Variants in ZNF30 observed in about 807,000 individuals in gnomAD.
The protein encoded by ZNF30 is zinc finger protein 30 (KOX 28).
A neutral mutation model predicts 13.2 loss-of-function variants in ZNF30; 15 were observed. That is an observed-to-expected ratio of 1.13 (90% CI 0.76 to 1.75). The LOEUF (loss-of-function observed/expected upper bound fraction) is 1.75. Ranked by LOEUF, ZNF30 falls within the 40% of genes most tolerant of loss-of-function variation. The pLI, the probability that ZNF30 is intolerant of heterozygous loss-of-function variation, is 0.00. For synonymous variants in ZNF30, 223 were observed against 256.6 expected (o/e 0.87, Z 1.25); for missense variants, 726 against 757.0 (o/e 0.96, Z 0.48).
intron 4 of ZNF30, among the ~76,000 whole-genome samples, chr19:34,940,865 C>G (rs1198104604): frequency 1.3e-5 from 2 of 152,034 alleles, no homozygotes; most frequent in South Asian, 2.1e-4. Context: ...ACCACATGAA[C>G]AGATCCCATC....
rs187664642 is a variant in ZNF30, at chr19:34,939,936, T to C, written c.257-3287T>C. 2.5e-3 allele frequency among the ~76,000 whole-genome samples: 385 copies of C among 152,338 alleles called. 1 individual carries two copies. Among genetic ancestry groups the C allele is most frequent in the Non-Finnish European group, 3.7e-3 (252 of 68,016 alleles). On this transcript the variant is annotated intron_variant, in intron 4 of 4. Coordinates refer to ENST00000601142, the MANE Select transcript of ZNF30 (RefSeq NM_194325.3). ...AATAAGATTACTGTCTCGTAGTAGA[T>C]TGTAGTTTTATAAAAAGGTGTAGTA...
intron 4 of ZNF30, 100 bp from the exon 5 acceptor site, chr19:34,943,123 C>A: frequency 1.3e-6 from 1 of 784,478 alleles, no homozygotes; most frequent in Non-Finnish European, 1.9e-6. Context: ...TATTACTGAG[C>A]TATTTATTTC....
At chr19:34,927,246 C>T in intron 1 of ZNF30, 30 bp downstream of exon 1, 1 of 372,284 alleles carries the variant, frequency 2.7e-6, no homozygotes, top group Non-Finnish European at 4.8e-6. Context: ...GGCGAGGATC[C>T]CGGGCCGGCG....
At chr19:34,926,621 G>A (rs543623703), upstream of ZNF30, 12 of 201,998 alleles carry the variant, frequency 5.9e-5, no homozygotes, top group Non-Finnish European at 1.1e-4. Flanking sequence ...CAAACAGTAC[G>A]GAAAGATAAT....
intron 4 of ZNF30, among the ~76,000 whole-genome samples, chr19:34,937,868 G>A (rs1055370871): frequency 2.0e-5 from 3 of 151,956 alleles, no homozygotes; most frequent in South Asian, 2.1e-4. Flanking sequence ...GTGCAATCTC[G>A]GCTCACTGCA....
At position 34,945,015 on chromosome 19, in the gene ZNF30, G is replaced by C; in HGVS notation, c.*177G>C. 1.6e-6 allele frequency: 1 copy of C among 633,748 alleles called. No individual in the cohort carries two copies. The allele number at this position is 633,748 out of a possible 1,614,324, so 39.3% of individuals were successfully genotyped here. A position where few individuals can be genotyped will look rare whatever the true frequency, so the allele number is the denominator to read the frequency against. ...ATATTCCTTTGTCATTTATAGGTTT[G>C]TAATACCAATATTTATACTGGTGGA... On this transcript the variant is annotated 3_prime_UTR_variant, in exon 5 of 5. Coordinates refer to ENST00000601142, the MANE Select transcript of ZNF30 (RefSeq NM_194325.3).
In ZNF30 at chr19:34,929,909, C is replaced by T; in HGVS notation, c.-39C>T. ...CTTTTGAACTTCTCAGATAGAGGAA[C>T]CCCAGTGAAGACTGATCAGTTCTTA... On this transcript the variant is annotated 5_prime_UTR_variant, in exon 2 of 5. Transcript: ENST00000601142. 6.3e-7 allele frequency: 1 copy of T among 1,589,398 alleles called. No homozygotes were observed. Among genetic ancestry groups the T allele is most frequent in the East Asian group, 2.2e-5 (1 of 44,450 alleles).
chr19:34,926,454 A>G (rs2012077133), upstream of ZNF30, among the ~76,000 whole-genome samples: 2 of 152,222 alleles, frequency 1.3e-5, no homozygotes, highest in African/African-American at 4.8e-5. Context: ...TACATTTAGC[A>G]TCTTAGATAG....
At chr19:34,933,980 C>T (rs1016095566) in intron 4 of ZNF30, among the ~76,000 whole-genome samples, 6 of 152,250 alleles carry the variant, frequency 3.9e-5, no homozygotes, top group South Asian at 2.1e-4. Flanking sequence ...TTTCCCAGTG[C>T]ATTATTCCAT....
chr19:34,924,581 A>T (rs1161387707), upstream of ZNF30, among the ~76,000 whole-genome samples: 1 of 152,192 alleles, frequency 6.6e-6, no homozygotes, highest in Non-Finnish European at 1.5e-5. Flanking sequence ...ATTTGTCTTG[A>T]ATGTCTCTAG....
At chr19:34,940,569 G>A (rs913533088) in intron 4 of ZNF30, among the ~76,000 whole-genome samples, 48 of 149,918 alleles carry the variant, frequency 3.2e-4, no homozygotes, top group Non-Finnish European at 4.7e-4. Flanking sequence ...TCAGGAGGCT[G>A]AGGCAGGAGA....
chr19:34,937,620 G>C (rs1369820709), intron 4 of ZNF30, among the ~76,000 whole-genome samples: 4 of 151,894 alleles, frequency 2.6e-5, no homozygotes, highest in Non-Finnish European at 4.4e-5. Flanking sequence ...TGTAGTCCTA[G>C]CTACTCATGA....
chr19:34,934,905 A>C (rs1274287223), intron 4 of ZNF30, among the ~76,000 whole-genome samples: 1 of 152,140 alleles, frequency 6.6e-6, no homozygotes, highest in Non-Finnish European at 1.5e-5. Context: ...CATTCTACAC[A>C]CATATCCCAG....
Position 34,931,039 on chromosome 19 carries a change from C to CTTTT in ZNF30, c.10-791_10-788dup, listed in dbSNP as rs56153327. ...TCATTACTTTTTTTTTTCTTTTTTT[C>CTTTT]TTTTTTTTTTTTTTTTGAGACTGAG... On this transcript the variant is annotated intron_variant, in intron 2 of 4. Coordinates refer to ENST00000601142, the MANE Select transcript of ZNF30 (RefSeq NM_194325.3). Among the ~76,000 whole-genome samples, 11 of 122,526 alleles carry CTTTT rather than the reference C, an allele frequency of 9.0e-5. 1 individual carries two copies. The highest frequency in any genetic ancestry group is 3.4e-4 in the African/African-American group (11 of 32,714). 80.4% of individuals were successfully genotyped at this position (122,526 alleles called of 152,430 possible). A position where few individuals can be genotyped will look rare whatever the true frequency, so the allele number is the denominator to read the frequency against.
At chr19:34,942,449 A>G (rs1460949468) in intron 4 of ZNF30, 5 of 364,010 alleles carry the variant, frequency 1.4e-5, no homozygotes, top group South Asian at 1.4e-4. Context: ...TATCCAAAAA[A>G]AAAAAGAAAA....
rs780685141 is a variant in ZNF30 at position 34,943,455 on chromosome 19, C to T, written c.489C>T (p.Leu163=). The change falls in exon 5 of 5, where the codon CTC becomes CTT. Residue 163 remains leucine, a synonymous_variant. Coordinates refer to ENST00000601142, the MANE Select transcript of ZNF30 (RefSeq NM_194325.3). ...CGKNFSNGHQ[L]TIHQRLHVGE... is the part of the protein sequence containing the mutation. ...AGAACTTTAGTAATGGACATCAACT[C>T]ACCATACATCAGAGATTGCATGTTG... is the stretch of plus-strand genomic sequence containing the variant. 3.1e-6 allele frequency: 5 copies of T among 1,613,688 alleles called. No individual in the cohort carries two copies. In the Admixed American group the frequency reaches 8.3e-5, roughly 27 times the overall value.
In ZNF30 at chr19:34,926,908, G is replaced by C. The variant is rs1032339587; in HGVS notation, c.-373G>C. ...TCCGGGCGCCGGTGGGCGGCCTTGT[G>C]GACTGCGCCGGGCATGCTCGGCGGT... is the stretch of plus-strand genomic sequence containing the variant. On this transcript the variant is annotated 5_prime_UTR_variant, in exon 1 of 5. Transcript: ENST00000601142. The C allele has an allele frequency of 7.5e-6, 3 of 398,104 alleles. No individual in the cohort carries two copies. Among genetic ancestry groups the C allele is most frequent in the African/African-American group, 6.2e-5 (3 of 48,560 alleles). 24.7% of individuals were successfully genotyped at this position (398,104 alleles called of 1,614,324 possible). A position where few individuals can be genotyped will look rare whatever the true frequency, so the allele number is the denominator to read the frequency against.
chr19:34,930,989 A>G (rs1158702100), intron 2 of ZNF30, among the ~76,000 whole-genome samples: 1 of 152,128 alleles, frequency 6.6e-6, no homozygotes, highest in Non-Finnish European at 1.5e-5. Context: ...GGCATTTGTT[A>G]CAGTCTTCGT....
rs200239352 is a variant in ZNF30 at position 34,943,712 on chromosome 19, G to A, written c.746G>A (p.Arg249Gln). Reference protein sequence around the residue: ...KAFLVYGKLTRHQSTHTGEKP... With the variant: ...KAFLVYGKLTQHQSTHTGEKP... Reference sequence around the variant, plus strand: ...TTTCTAGTATATGGAAAGCTTACCCGGCATCAGAGTACTCACACTGGTGAA... The same window carrying A: ...TTTCTAGTATATGGAAAGCTTACCCAGCATCAGAGTACTCACACTGGTGAA... The change falls in exon 5 of 5, where the codon CGG becomes CAG. Residue 249 changes from arginine (R) to glutamine (Q), a missense_variant. Transcript: ENST00000601142. 169 of 1,613,388 alleles carry A rather than the reference G, an allele frequency of 1.0e-4. No individual in the cohort carries two copies. The highest frequency in any genetic ancestry group is 5.5e-4 in the African/African-American group (41 of 75,000).
Sources: gnomAD v4.1 joint callset for allele counts (sites outside exome capture counted in the v4.1 genomes callset) on GRCh38, gnomAD v4.1.1 for gene constraint, MANE v1.5 for transcripts, NCBI Gene and HGNC (gene_info 2026-07-23, HGNC 2026-07-21) for gene names.